Variants in NRG1 observed in about 807,000 individuals in gnomAD.
NRG1 encodes the protein pro-neuregulin-1, membrane-bound isoform.
In NRG1, 18 loss-of-function variants were observed where a neutral mutation model predicts 63.8. The ratio of observed to expected loss-of-function variants is 0.28; its 90% CI spans 0.19 to 0.42. The LOEUF is 0.42. Ranked by LOEUF, NRG1 falls within the 10% of genes least tolerant of loss-of-function variation. The pLI is 1.00. For synonymous variants in NRG1, 302 were observed against 301.3 expected, an observed-to-expected ratio of 1.00 and a Z score of -0.02; for missense variants, 762 against 814.7, an observed-to-expected ratio of 0.94 and a Z score of 0.79.
At chr8:32,457,459 A>AT (rs1233782593) in intron 1 of NRG1, among the ~76,000 whole-genome samples, 1 of 152,084 alleles carries the variant, frequency 6.6e-6, no homozygotes, top group African/African-American at 2.4e-5. Context: ...CCTGTCACTG[A>AT]TTTTTTTCTC....
intron 1 of NRG1, among the ~76,000 whole-genome samples, chr8:31,772,436 G>T (rs938978379): frequency 1.3e-5 from 2 of 152,164 alleles, no homozygotes; most frequent in African/African-American, 2.4e-5. Flanking sequence ...TTCAACACAA[G>T]GTTGAGGATT....
intron 1 of NRG1, among the ~76,000 whole-genome samples, chr8:31,767,000 G>A (rs1399700044): frequency 6.6e-6 from 1 of 152,186 alleles, no homozygotes; most frequent in African/African-American, 2.4e-5. Context: ...CATGGGTGAA[G>A]AGAGACTGTT....
chr8:32,025,944 T>TAA (rs71208160), intron 1 of NRG1, among the ~76,000 whole-genome samples: 128 of 113,410 alleles, frequency 1.1e-3, no homozygotes, highest in Admixed American at 2.6e-3. Context: ...AGACTCCGTC[T>TAA]AAAAAAAAAA....
chr8:32,331,740 C>T (rs868698638), intron 1 of NRG1, among the ~76,000 whole-genome samples: 2 of 151,976 alleles, frequency 1.3e-5, no homozygotes, highest in Admixed American at 6.6e-5. Context: ...AGGACAGTGG[C>T]GTGTGATTAA....
At chr8:32,589,188 C>T (rs1047668716) in intron 1 of NRG1, among the ~76,000 whole-genome samples, 2 of 152,152 alleles carry the variant, frequency 1.3e-5, no homozygotes, top group African/African-American at 2.4e-5. Context: ...GTGAGTGCAG[C>T]TCAGAAGAGA....
intron 1 of NRG1, among the ~76,000 whole-genome samples, chr8:31,950,167 G>A (rs1176643284): frequency 2.0e-5 from 3 of 152,198 alleles, no homozygotes; most frequent in East Asian, 1.9e-4. Context: ...ACCCAAGATA[G>A]AACAGGGACA....
chr8:31,895,158 CT>C (rs1238756376), intron 1 of NRG1, among the ~76,000 whole-genome samples: 9 of 152,300 alleles, frequency 5.9e-5, no homozygotes, highest in Admixed American at 3.9e-4. Context: ...TTAAGGTCCC[CT>C]GTTAATACTA....
At chr8:32,227,802 G>A (rs1390515265) in intron 1 of NRG1, among the ~76,000 whole-genome samples, 1 of 152,064 alleles carries the variant, frequency 6.6e-6, no homozygotes, top group African/African-American at 2.4e-5. Flanking sequence ...AACCACCACA[G>A]CATTCCTGAT....
At chr8:32,091,018 A>C (rs1035758010) in intron 1 of NRG1, among the ~76,000 whole-genome samples, 1 of 152,124 alleles carries the variant, frequency 6.6e-6, no homozygotes, top group Non-Finnish European at 1.5e-5. Context: ...GGTGGCTCAC[A>C]CCTGTAATCC....
intron 1 of NRG1, among the ~76,000 whole-genome samples, chr8:32,235,188 G>A (rs947426375): frequency 8.0e-6 from 1 of 124,920 alleles, no homozygotes; most frequent in African/African-American, 3.0e-5. Context: ...GAGCCTAGGA[G>A]TTTGAGACCA....
chr8:32,043,105 A>G (rs1312023356), intron 1 of NRG1, among the ~76,000 whole-genome samples: 1 of 152,032 alleles, frequency 6.6e-6, no homozygotes, highest in Non-Finnish European at 1.5e-5. Context: ...CAGAAAACTC[A>G]AAATAAACAC....
intron 1 of NRG1, among the ~76,000 whole-genome samples, chr8:31,927,758 T>C (rs1166316480): frequency 6.6e-6 from 1 of 151,588 alleles, no homozygotes; most frequent in African/African-American, 2.4e-5. Context: ...TACTTTTTTT[T>C]TTAAAGATCT....
rs751755810 is a variant in NRG1 at position 32,705,132 on chromosome 8, A to ATTTTT, written c.503-22803_503-22799dup. Among the ~76,000 whole-genome samples, 232 of 139,980 alleles carry ATTTTT rather than the reference A, an allele frequency of 1.7e-3. 2 individuals are homozygous for ATTTTT. Among genetic ancestry groups the ATTTTT allele is most frequent in the African/African-American group, 5.8e-3 (221 of 38,162 alleles). The allele number at this position is 139,980 out of a possible 152,430, so 91.8% of individuals were successfully genotyped here. ...ATCAGCATGGGATAGGTGACAATGAATTTTTTTTTTTTTTTTTTGAGACGG... is the reference window on the plus strand; with the variant it reads ...ATCAGCATGGGATAGGTGACAATGAATTTTTTTTTTTTTTTTTTTTTTTGAGACGG... On this transcript the variant is annotated intron_variant, in intron 5 of 11. Transcript: ENST00000356819.
At chr8:32,094,631 T>C (rs1402071651) in intron 1 of NRG1, among the ~76,000 whole-genome samples, 1 of 152,198 alleles carries the variant, frequency 6.6e-6, no homozygotes, top group Non-Finnish European at 1.5e-5. Context: ...ATGAGTTCTA[T>C]AGTGAAACAA....
At chr8:32,299,526 CAT>C (rs1855342873) in intron 1 of NRG1, among the ~76,000 whole-genome samples, 1 of 152,106 alleles carries the variant, frequency 6.6e-6, no homozygotes. Context: ...ACTGCAGAGA[CAT>C]GTGAAGAAGG....
chr8:32,761,360 G>A (rs1830642424), intron 11 of NRG1, among the ~76,000 whole-genome samples: 2 of 152,118 alleles, frequency 1.3e-5, no homozygotes. Flanking sequence ...TTATGTGGTA[G>A]TTACATGGGA....
At chr8:32,081,017 C>T (rs542816573) in intron 1 of NRG1, among the ~76,000 whole-genome samples, 1 of 151,958 alleles carries the variant, frequency 6.6e-6, no homozygotes, top group Non-Finnish European at 1.5e-5. Flanking sequence ...GATCTTCAAC[C>T]GATTGAATCA....
At chr8:32,110,553 T>C (rs1254052102) in intron 1 of NRG1, among the ~76,000 whole-genome samples, 2 of 152,200 alleles carry the variant, frequency 1.3e-5, no homozygotes, top group Non-Finnish European at 2.9e-5. Flanking sequence ...AATCTCTCCT[T>C]TCTTTTTCTA....
chr8:32,352,473 A>G (rs942806567), intron 1 of NRG1, among the ~76,000 whole-genome samples: 1 of 151,984 alleles, frequency 6.6e-6, no homozygotes, highest in Non-Finnish European at 1.5e-5. Flanking sequence ...AAAGTCCTAA[A>G]GCCTTCAAGA....
Sources: allele counts gnomAD v4.1 joint callset (sites outside exome capture counted in the v4.1 genomes callset), GRCh38; gene constraint gnomAD v4.1.1; transcripts MANE v1.5; gene names NCBI Gene and HGNC (gene_info 2026-07-23, HGNC 2026-07-21).